Variants in IL1RAPL1 observed in about 807,000 individuals in gnomAD.
IL1RAPL1 encodes interleukin 1 receptor accessory protein like 1.
In IL1RAPL1, 3 loss-of-function variants were observed where a neutral mutation model predicts 48.4. That is an observed-to-expected ratio of 0.06 (90% CI 0.03 to 0.16). IL1RAPL1 has a LOEUF of 0.16. Ranked by LOEUF, IL1RAPL1 falls within the 10% of genes least tolerant of loss-of-function variation. The pLI is 1.00. For missense variants in IL1RAPL1, 349 were observed against 530.6 expected (o/e 0.66, Z 3.36); for synonymous variants, 185 against 187.7 (o/e 0.99, Z 0.12).
intron 2 of IL1RAPL1, among the ~76,000 whole-genome samples, chrX:28,988,699 A>C (rs753008384): frequency 7.1e-4 from 79 of 112,020 alleles, no homozygotes; most frequent in African/African-American, 2.5e-3. Context: ...GAGATTTTTA[A>C]AACCTGATCT....
chrX:28,685,688 T>A (rs1252497241), intron 1 of IL1RAPL1, among the ~76,000 whole-genome samples: 1 of 111,916 alleles, frequency 8.9e-6, no homozygotes, highest in Non-Finnish European at 1.9e-5. Context: ...ACATAGGAGA[T>A]GACGGTGCAT....
intron 2 of IL1RAPL1, among the ~76,000 whole-genome samples, chrX:29,250,396 T>C (rs1035351976): frequency 2.7e-5 from 3 of 111,298 alleles, no homozygotes; most frequent in Non-Finnish European, 5.7e-5. Flanking sequence ...TTCAGAAGAG[T>C]GAAGAAAGCA....
At chrX:29,017,685 A>G (rs1169800538) in intron 2 of IL1RAPL1, among the ~76,000 whole-genome samples, 1 of 111,519 alleles carries the variant, frequency 9.0e-6, no homozygotes, top group African/African-American at 3.3e-5. Context: ...ATCTTAATCT[A>G]TGTGGTAAGG....
At position 29,416,315 on chromosome X, in the gene IL1RAPL1, G is replaced by A. The variant is rs754810200; in HGVS notation, c.703+17007G>A. ...TGTAATCCTAGCACTTTGGGAGGCC[G>A]AGGCAGGCAGATCACCTGAGATCAG... On this transcript the variant is annotated intron_variant, in intron 5 of 10. Transcript: ENST00000378993. 1.3e-4 allele frequency among the ~76,000 whole-genome samples: 15 copies of A among 111,513 alleles called. No homozygotes were observed. In the South Asian group the frequency reaches 5.7e-3, roughly 42 times the overall value.
At chrX:29,331,155 C>T (rs1025141975) in intron 3 of IL1RAPL1, among the ~76,000 whole-genome samples, 10 of 111,146 alleles carry the variant, frequency 9.0e-5, no homozygotes, top group Admixed American at 1.9e-4. Context: ...TGTGACAGAG[C>T]GAAACTCCGT....
Position 29,435,133 on chromosome X carries a change from C to G in IL1RAPL1, c.703+35825C>G, listed in dbSNP as rs1313287522. Among the ~76,000 whole-genome samples the G allele has an allele frequency of 3.6e-5, 4 of 111,322 alleles. No individual in the cohort carries two copies. The East Asian group carries it at 1.1e-3, about 31-fold the overall frequency. On this transcript the variant is annotated intron_variant, in intron 5 of 10. Transcript: ENST00000378993. ...ACGTACTGTAGCATTTATCAGCGCT[C>G]TATTCCTTTTCATGGTTAAATAATA...
chrX:28,847,296 A>G (rs1033961346), intron 2 of IL1RAPL1, among the ~76,000 whole-genome samples: 14 of 111,248 alleles, frequency 1.3e-4, no homozygotes, highest in Non-Finnish European at 7.5e-5. Context: ...ATCTTAGCCC[A>G]GTGCCCCTTG....
chrX:29,907,310 G>C (rs181031646), intron 6 of IL1RAPL1, among the ~76,000 whole-genome samples: 23 of 109,073 alleles, frequency 2.1e-4, no homozygotes, highest in Non-Finnish European at 3.8e-4. Context: ...CCATTCTACT[G>C]AATTTTACTA....
At chrX:29,714,759 C>T (rs1354586081) in intron 6 of IL1RAPL1, among the ~76,000 whole-genome samples, 1 of 111,813 alleles carries the variant, frequency 8.9e-6, no homozygotes, top group Non-Finnish European at 1.9e-5. Flanking sequence ...ATTGACTCAA[C>T]CTTGCTGCTT....
At chrX:28,871,252 AT>A (rs1922200597) in intron 2 of IL1RAPL1, among the ~76,000 whole-genome samples, 1 of 111,988 alleles carries the variant, frequency 8.9e-6, no homozygotes, top group African/African-American at 3.2e-5. Context: ...GAAATAAATT[AT>A]TTTTAAAATA....
chrX:29,802,891 A>ATACATATATATGTGTATATATGTG (rs1569173042), intron 6 of IL1RAPL1, among the ~76,000 whole-genome samples: 4 of 32,837 alleles, frequency 1.2e-4, no homozygotes, highest in Admixed American at 2.9e-4. Flanking sequence ...GTATATATGT[A>ATACATATATATGTGTATATATGTG]TACATATATA....
At chrX:29,103,612 T>C (rs1928390043) in intron 2 of IL1RAPL1, among the ~76,000 whole-genome samples, 1 of 110,388 alleles carries the variant, frequency 9.1e-6, no homozygotes, top group Non-Finnish European at 1.9e-5. Flanking sequence ...AAAGCAAAAA[T>C]AGACAAGTGG....
intron 2 of IL1RAPL1, among the ~76,000 whole-genome samples, chrX:28,974,611 C>T (rs1267037755): frequency 1.8e-5 from 2 of 111,716 alleles, no homozygotes; most frequent in Non-Finnish European, 3.8e-5. Context: ...GTATATTTCC[C>T]ATTACCTCCT....
intron 5 of IL1RAPL1, among the ~76,000 whole-genome samples, chrX:29,491,420 A>G (rs2147753877): frequency 8.9e-6 from 1 of 112,670 alleles, no homozygotes; most frequent in South Asian, 3.6e-4. Flanking sequence ...AGTATATGTC[A>G]CCATTTTTAC....
rs746823273 is a variant in IL1RAPL1 at position 28,873,595 on chromosome X, A to G, written c.82+84170A>G. Among the ~76,000 whole-genome samples, 777 of 88,309 alleles carry G rather than the reference A, an allele frequency of 8.8e-3. 9 individuals carry two copies. Among genetic ancestry groups the G allele is most frequent in the African/African-American group, 0.03 (667 of 22,362 alleles). 76.7% of individuals were successfully genotyped at this position (88,309 alleles called of 115,157 possible). On this transcript the variant is annotated intron_variant, in intron 2 of 10. Transcript: ENST00000378993. ...CGCCCAGGCTGGAGTGCAGTGGCTC[A>G]ATCTCGGCTCACTGCAAGTTCCGCC...
chrX:28,703,644 A>G (rs989559217), intron 1 of IL1RAPL1, among the ~76,000 whole-genome samples: 5 of 111,390 alleles, frequency 4.5e-5, no homozygotes, highest in African/African-American at 1.6e-4. Flanking sequence ...TCTCACAATC[A>G]TTGCTAAACA....
rs369011931 is a variant in IL1RAPL1 at position 29,341,926 on chromosome X, C to A, written c.363-54332C>A. On this transcript the variant is annotated intron_variant, in intron 3 of 10. Transcript: ENST00000378993. ...GGTTCAAGAGATTCTCCTACCTCAG[C>A]CTCCTGATTAGCTGGGACTACAGGT... is the stretch of plus-strand genomic sequence containing the variant. Among the ~76,000 whole-genome samples the A allele has an allele frequency of 9.0e-4, 99 of 110,405 alleles. 1 individual carries two copies. In the South Asian group the frequency reaches 0.037, roughly 41 times the overall value.
intron 5 of IL1RAPL1, among the ~76,000 whole-genome samples, chrX:29,420,602 A>C (rs1934279212): frequency 1.8e-5 from 2 of 111,403 alleles, no homozygotes; most frequent in South Asian, 7.4e-4. Context: ...ATATATTCCT[A>C]CTCTTTCACA....
At chrX:29,879,870 C>G (rs1317124249) in intron 6 of IL1RAPL1, among the ~76,000 whole-genome samples, 2 of 110,620 alleles carry the variant, frequency 1.8e-5, no homozygotes, top group Non-Finnish European at 3.8e-5. Context: ...ACAGAGATGA[C>G]AAGTTCCGTA....
Sources: allele counts gnomAD v4.1 joint callset (sites outside exome capture counted in the v4.1 genomes callset), GRCh38; gene constraint gnomAD v4.1.1; transcripts MANE v1.5; gene names NCBI Gene and HGNC (gene_info 2026-07-23, HGNC 2026-07-21).